Variants in ITGA7 observed in about 807,000 individuals in gnomAD.
ITGA7 encodes integrin alpha-7.
ITGA7 carries 84 observed loss-of-function variants against 131.6 expected under a neutral mutation model. That is an observed-to-expected ratio of 0.64 (90% CI 0.54 to 0.77). ITGA7 has a LOEUF of 0.77. Among genes scored for constraint, ITGA7 ranks in the 30% least tolerant of loss-of-function variants. ITGA7 has a pLI of 0.00. For synonymous variants in ITGA7, 548 were observed against 600.7 expected, an observed-to-expected ratio of 0.91 and a Z score of 1.28; for missense variants, 1,399 against 1,482.9, an observed-to-expected ratio of 0.94 and a Z score of 0.93.
In ITGA7 at chr12:55,707,820, G is replaced by GCC; in HGVS notation, c.-140_-139dup. ...CGTCTCCCAGACGTTCGCCCCGCCA[G>GCC]CCCTCCCGCCCGCCCGCCGCTCCGC... On this transcript the variant is annotated 5_prime_UTR_variant, in exon 1 of 25. Coordinates refer to ENST00000257879, the MANE Select transcript of ITGA7 (RefSeq NM_002206.3). The GCC allele has an allele frequency of 6.9e-7, 1 of 1,455,778 alleles. No individual in the cohort carries two copies. The highest frequency in any genetic ancestry group is 9.1e-7 in the Non-Finnish European group (1 of 1,102,490). The allele number at this position is 1,455,778 out of a possible 1,614,324, so 90.2% of individuals were successfully genotyped here.
chr12:55,707,905 T>A (rs926287755), upstream of ITGA7: 143 of 1,377,624 alleles, frequency 1.0e-4, 1 homozygote, highest in South Asian at 1.0e-3. Flanking sequence ...CGGCGCCCAC[T>A]CCGGCTCCCG....
At chr12:55,713,148 C>T (rs1425778507), upstream of ITGA7, among the ~76,000 whole-genome samples, 1 of 152,136 alleles carries the variant, frequency 6.6e-6, no homozygotes, top group African/African-American at 2.4e-5. Flanking sequence ...AGGTGAGGCA[C>T]CAGGCATTTC....
At chr12:55,713,354 G>A (rs776399485), upstream of ITGA7, among the ~76,000 whole-genome samples, 1 of 152,148 alleles carries the variant, frequency 6.6e-6, no homozygotes. Context: ...AAGCTAGAGG[G>A]GCATAATGAT....
At chr12:55,699,551 A>G (rs1873485941) in intron 5 of ITGA7, 2 of 427,606 alleles carry the variant, frequency 4.7e-6, no homozygotes, top group South Asian at 4.6e-5. Flanking sequence ...CCCACCATCC[A>G]TCCCCTCAGG....
rs1346256432 is a variant in ITGA7, at chr12:55,698,721, G to A, written c.987C>T (p.Leu329=). The A allele has an allele frequency of 6.2e-7, 1 of 1,614,052 alleles. No individual in the cohort carries two copies. Among genetic ancestry groups the A allele is most frequent in the Non-Finnish European group, 8.5e-7 (1 of 1,179,966 alleles). ...GFGYSLAVAD[L]NSDGWPDLIV... is the part of the protein sequence containing the mutation. ...CTCTACCCACTCACCCATCACTGTT[G>A]AGGTCAGCCACAGCCAGTGAGTAGC... Residue 329 remains leucine, a synonymous_variant, in exon 6 of 25, where the codon CTC becomes CTT. Coordinates refer to ENST00000257879, the MANE Select transcript of ITGA7 (RefSeq NM_002206.3).
Position 55,688,948 on chromosome 12 carries a change from G to A in ITGA7, c.2854C>T (p.Arg952Trp), listed in dbSNP as rs758865138. Residue 952 changes from arginine to tryptophan, a missense_variant, in exon 22 of 25, where the codon CGG becomes TGG. By Grantham distance (101) the Arg-to-Trp change is moderately radical. Coordinates refer to ENST00000257879, the MANE Select transcript of ITGA7 (RefSeq NM_002206.3). ...KKKNITLDCARGTANCVVFSC... is the reference protein window; with the variant it reads ...KKKNITLDCAWGTANCVVFSC... ...AACACCACACAGTTGGCCGTGCCCC[G>A]GGCGCAGTCCTAGGGATAAGGACAG... The A allele has an allele frequency of 1.6e-5, 26 of 1,613,566 alleles. No homozygotes were observed. Among genetic ancestry groups the A allele is most frequent in the African/African-American group, 2.7e-5 (2 of 74,868 alleles).
upstream of ITGA7, chr12:55,712,315 C>A (rs1380476598): frequency 7.2e-7 from 1 of 1,398,370 alleles, no homozygotes; most frequent in Admixed American, 2.0e-5. Context: ...TGGCTTCAGG[C>A]CAACATTTGG....
chr12:55,705,659 A>C (rs1288701720), intron 1 of ITGA7, among the ~76,000 whole-genome samples: 1 of 152,278 alleles, frequency 6.6e-6, no homozygotes, highest in Non-Finnish European at 1.5e-5. Context: ...CAAGAATAGC[A>C]ATACTACTAA....
In ITGA7 at chr12:55,688,939, C is replaced by T. The variant is rs182485135; in HGVS notation, c.2863G>A (p.Ala955Thr). 3 of 1,613,846 alleles carry T rather than the reference C, an allele frequency of 1.9e-6. No individual in the cohort carries two copies. Among genetic ancestry groups the T allele is most frequent in the Admixed American group, 1.7e-5 (1 of 59,996 alleles). ...GGGCAGCTGAACACCACACAGTTGG[C>T]CGTGCCCCGGGCGCAGTCCTAGGGA... ...NITLDCARGT[A>T]NCVVFSCPLY... The change falls in exon 22 of 25, where the codon GCC becomes ACC. Residue 955 changes from alanine (A) to threonine (T), a missense_variant. Ala to Thr is a moderately conservative substitution (Grantham distance 58). Transcript: ENST00000257879.
intron 22 of ITGA7, 42 bp from the exon 23 acceptor site, chr12:55,688,342 T>G (rs374258957): frequency 8.9e-6 from 12 of 1,341,010 alleles, no homozygotes; most frequent in South Asian, 1.2e-5. Context: ...AAATGCCCCA[T>G]GTCTCCCTCC....
chr12:55,690,682 T>C (rs7397549), intron 21 of ITGA7, among the ~76,000 whole-genome samples: 65,273 of 139,942 alleles, frequency 0.47, 16,402 homozygotes, highest in East Asian at 0.93. Context: ...CGTATGTTTA[T>C]TGCGGCACTA....
upstream of ITGA7, among the ~76,000 whole-genome samples, chr12:55,714,591 CA>C (rs1256192358): frequency 6.6e-6 from 1 of 150,754 alleles, no homozygotes; most frequent in Admixed American, 6.6e-5. Context: ...GAGGCTGAGG[CA>C]GGAGAATCGC....
chr12:55,694,765 C>T lies in ITGA7; in HGVS notation c.2196+13G>A, dbSNP rs1872262417. 1 of 1,614,090 alleles carries T rather than the reference C, an allele frequency of 6.2e-7. No individual in the cohort carries two copies. Among genetic ancestry groups the T allele is most frequent in the East Asian group, 2.2e-5 (1 of 44,872 alleles). On this transcript the variant is annotated intron_variant, in intron 15 of 24. Coordinates refer to ENST00000257879, the MANE Select transcript of ITGA7 (RefSeq NM_002206.3). The surrounding 1 kb of genome is among the most constrained non-coding windows in gnomAD (Gnocchi z 5.3). ...CCTCAAGACCCCACCCCATCCTGCCCCCAGGTCCTCACCGCAGGGTCCAGG... is the reference window on the plus strand; with the variant it reads ...CCTCAAGACCCCACCCCATCCTGCCTCCAGGTCCTCACCGCAGGGTCCAGG...
At chr12:55,693,878 C>A in intron 19 of ITGA7, 143 bp downstream of exon 19, 1 of 712,618 alleles carries the variant, frequency 1.4e-6, no homozygotes, top group Non-Finnish European at 2.5e-6. Context: ...CTTCCCACAG[C>A]CAAGGTCCAT....
upstream of ITGA7, chr12:55,716,055 GC>G (rs1876489717): frequency 1.3e-6 from 2 of 1,555,962 alleles, no homozygotes; most frequent in Admixed American, 2.0e-5. Context: ...ACGTGACATG[GC>G]CCCGGGGAGC....
Position 55,688,891 on chromosome 12 carries a change from C to A in ITGA7, c.2911G>T (p.Ala971Ser). Residue 971 changes from alanine (A) to serine (S), a missense_variant, in exon 22 of 25, where the codon GCT becomes TCT. Coordinates refer to ENST00000257879, the MANE Select transcript of ITGA7 (RefSeq NM_002206.3). ...SCPLYSFDRA[A>S]VLHVWGRLWN... is the part of the protein sequence containing the mutation. Reference sequence around the variant, plus strand: ...AGACGGCCCCAGACATGCAGCACAGCCGCGCGGTCAAAGCTGTAGAGTGGG... The same window carrying A: ...AGACGGCCCCAGACATGCAGCACAGACGCGCGGTCAAAGCTGTAGAGTGGG... 3.7e-6 allele frequency: 6 copies of A among 1,614,064 alleles called. No individual in the cohort carries two copies. The highest frequency in any genetic ancestry group is 5.1e-6 in the Non-Finnish European group (6 of 1,179,980).
At chr12:55,686,325 G>C in intron 24 of ITGA7, 2 of 1,316,366 alleles carry the variant, frequency 1.5e-6, no homozygotes, top group Non-Finnish European at 2.0e-6. Flanking sequence ...CTAGGATGTC[G>C]AGGGAGAAGC....
intron 21 of ITGA7, among the ~76,000 whole-genome samples, chr12:55,691,698 G>A (rs987450196): frequency 5.9e-5 from 9 of 152,174 alleles, no homozygotes; most frequent in South Asian, 2.1e-4. Context: ...AATCGGTCAC[G>A]TGGAGAAGGG....
chr12:55,699,763 T>A, intron 5 of ITGA7, 107 bp downstream of exon 5: 3 of 1,334,594 alleles, frequency 2.2e-6, no homozygotes, highest in Non-Finnish European at 3.1e-6. Flanking sequence ...TCCCTGGGTG[T>A]GTGTTGGGGG....
Sources: allele counts gnomAD v4.1 joint callset (sites outside exome capture counted in the v4.1 genomes callset), GRCh38; gene constraint gnomAD v4.1.1; non-coding constraint Gnocchi (gnomAD v3.1); transcripts MANE v1.5; gene names NCBI Gene and HGNC (gene_info 2026-07-23, HGNC 2026-07-21).